DCBLD2: variants seen among roughly 807,000 people sequenced by gnomAD.
DCBLD2 encodes discoidin, CUB and LCCL domain-containing protein 2.
In DCBLD2, 54 loss-of-function variants were observed where a neutral mutation model predicts 86.8. That is an observed-to-expected ratio of 0.62 (90% CI 0.50 to 0.78). The LOEUF is 0.78. DCBLD2 is among the 30% of genes least tolerant of loss of function. DCBLD2 has a pLI of 0.00. For synonymous variants in DCBLD2, 354 were observed against 341.3 expected, an observed-to-expected ratio of 1.04 and a Z score of -0.41; for missense variants, 908 against 954.2, an observed-to-expected ratio of 0.95 and a Z score of 0.64.
Position 98,893,382 on chromosome 3 carries a change from G to GAA in DCBLD2, c.205+7738_205+7739dup, listed in dbSNP as rs555536800. Among the ~76,000 whole-genome samples the GAA allele has an allele frequency of 3.6e-4, 41 of 113,160 alleles. No individual in the cohort carries two copies. The East Asian group carries it at 9.0e-3, about 25-fold the overall frequency. The allele number at this position is 113,160 out of a possible 152,430, so 74.2% of individuals were successfully genotyped here. A position where few individuals can be genotyped will look rare whatever the true frequency, so the allele number is the denominator to read the frequency against. ...AGATTTTCAAAGACCACTGTAGTAA[G>GAA]AAAAAAAAAAAAAAGAAACCAATAA... On this transcript the variant is annotated intron_variant, in intron 1 of 15. Transcript: ENST00000326840.
At chr3:98,826,653 C>T (rs75997338) in intron 3 of DCBLD2, among the ~76,000 whole-genome samples, 4,678 of 152,232 alleles carry the variant, frequency 0.031, 216 homozygotes, top group African/African-American at 0.11. Flanking sequence ...GGCTGTTTGT[C>T]CTCACCTTTG....
intron 2 of DCBLD2, among the ~76,000 whole-genome samples, chr3:98,877,860 G>A (rs1392771416): frequency 2.6e-5 from 4 of 152,122 alleles, no homozygotes; most frequent in Non-Finnish European, 2.9e-5. Context: ...GGACATAGGA[G>A]CTAGCGTGAA....
chr3:98,847,740 G>T (rs1012575687), intron 3 of DCBLD2, among the ~76,000 whole-genome samples: 2 of 152,110 alleles, frequency 1.3e-5, no homozygotes, highest in African/African-American at 4.8e-5. Flanking sequence ...CTTTTAAATG[G>T]TAACTTAATT....
chr3:98,896,961 G>A (rs1330640395), intron 1 of DCBLD2, among the ~76,000 whole-genome samples: 1 of 152,116 alleles, frequency 6.6e-6, no homozygotes, highest in Non-Finnish European at 1.5e-5. Context: ...ATTACTACCT[G>A]AGCTTCACTT....
chr3:98,866,135 G>A (rs1215445157), intron 2 of DCBLD2, among the ~76,000 whole-genome samples: 1 of 152,236 alleles, frequency 6.6e-6, no homozygotes, highest in Non-Finnish European at 1.5e-5. Flanking sequence ...TTGGTTCCAA[G>A]TCTTTGCTAT....
intron 1 of DCBLD2, 37 bp from the exon 2 acceptor site, chr3:98,881,804 A>C: frequency 6.4e-7 from 1 of 1,558,890 alleles, no homozygotes; most frequent in Non-Finnish European, 8.8e-7. Context: ...AATTATTCTC[A>C]CATATTTTAC....
chr3:98,866,395 C>T (rs1307911818), intron 2 of DCBLD2, among the ~76,000 whole-genome samples: 1 of 152,144 alleles, frequency 6.6e-6, no homozygotes, highest in African/African-American at 2.4e-5. Flanking sequence ...TTTTAATGAT[C>T]ACCATTCTAA....
chr3:98,886,729 T>A (rs902014384), intron 1 of DCBLD2, among the ~76,000 whole-genome samples: 3 of 151,798 alleles, frequency 2.0e-5, no homozygotes, highest in African/African-American at 7.2e-5. Flanking sequence ...AGAACATGTG[T>A]TCACTTCCTC....
At chr3:98,812,538 T>C (rs1941956725) in intron 9 of DCBLD2, 56 bp from the exon 10 acceptor site, 2 of 1,500,012 alleles carry the variant, frequency 1.3e-6, no homozygotes, top group Admixed American at 4.0e-5. Context: ...CAGGGCTAAA[T>C]TTCTCCACTT....
At chr3:98,870,097 A>G (rs1943231105) in intron 2 of DCBLD2, among the ~76,000 whole-genome samples, 1 of 151,186 alleles carries the variant, frequency 6.6e-6, no homozygotes. Flanking sequence ...TCTTTAATCC[A>G]TCTTGAGTAA....
intron 3 of DCBLD2, among the ~76,000 whole-genome samples, chr3:98,836,635 C>T (rs1393083916): frequency 2.6e-4 from 35 of 135,844 alleles, no homozygotes; most frequent in African/African-American, 3.3e-4. Context: ...GGCGGCTGGC[C>T]GGGCAGAGGG....
At chr3:98,856,083 G>C (rs976265329) in intron 2 of DCBLD2, among the ~76,000 whole-genome samples, 1 of 152,128 alleles carries the variant, frequency 6.6e-6, no homozygotes, top group Non-Finnish European at 1.5e-5. Context: ...GACATTCATA[G>C]AATATCAAGA....
At chr3:98,891,604 G>T (rs968676386) in intron 1 of DCBLD2, among the ~76,000 whole-genome samples, 1 of 152,072 alleles carries the variant, frequency 6.6e-6, no homozygotes, top group Non-Finnish European at 1.5e-5. Context: ...ATACAACGAA[G>T]TTCAAATGCT....
rs556254365 is a variant in DCBLD2 at position 98,829,677 on chromosome 3, C to T, written c.572-4311G>A. ...CTTTATCCAGTCTACCATTAATGGA[C>T]ATTTAGGTTGACTCCATGTCTTTGC... On this transcript the variant is annotated intron_variant, in intron 3 of 15. Transcript: ENST00000326840. 6.6e-5 allele frequency among the ~76,000 whole-genome samples: 10 copies of T among 152,288 alleles called. No homozygotes were observed. In the South Asian group the frequency reaches 1.9e-3, roughly 28 times the overall value.
intron 2 of DCBLD2, among the ~76,000 whole-genome samples, chr3:98,871,967 C>T (rs1943288359): frequency 6.6e-6 from 1 of 152,092 alleles, no homozygotes; most frequent in South Asian, 2.1e-4. Flanking sequence ...AATCTCACTA[C>T]TTATTACTTG....
intron 1 of DCBLD2, among the ~76,000 whole-genome samples, chr3:98,895,604 C>T (rs1170905847): frequency 6.6e-6 from 1 of 152,182 alleles, no homozygotes; most frequent in Non-Finnish European, 1.5e-5. Flanking sequence ...ATCAGTGAGG[C>T]GTCTCCTACT....
At chr3:98,899,111 G>A (rs1943801543) in intron 1 of DCBLD2, among the ~76,000 whole-genome samples, 1 of 151,214 alleles carries the variant, frequency 6.6e-6, no homozygotes, top group Non-Finnish European at 1.5e-5. Flanking sequence ...TTAATTATCA[G>A]AATCATTTCT....
In DCBLD2 at chr3:98,900,886, C is replaced by T. The variant is rs761302014; in HGVS notation, c.205+236G>A. 6.1e-6 allele frequency: 4 copies of T among 651,978 alleles called. No homozygotes were observed. The East Asian group carries it at 9.1e-5, about 15-fold the overall frequency. 40.4% of individuals were successfully genotyped at this position (651,978 alleles called of 1,614,324 possible). A position where few individuals can be genotyped will look rare whatever the true frequency, so the allele number is the denominator to read the frequency against. ...ACGAGGCTTTCATAGCAGGGTCTCACGTCCCCCTTTCAGAAAAATAAATGG... is the reference window on the plus strand; with the variant it reads ...ACGAGGCTTTCATAGCAGGGTCTCATGTCCCCCTTTCAGAAAAATAAATGG... On this transcript the variant is annotated intron_variant, in intron 1 of 15. Coordinates refer to ENST00000326840, the MANE Select transcript of DCBLD2 (RefSeq NM_080927.4).
intron 1 of DCBLD2, among the ~76,000 whole-genome samples, chr3:98,899,306 T>A (rs1046521049): frequency 1.2e-4 from 18 of 147,292 alleles, no homozygotes; most frequent in African/African-American, 4.5e-4. Flanking sequence ...GTCGCCAGGC[T>A]GGAGTGCAGT....
Sources: allele counts gnomAD v4.1 joint callset (sites outside exome capture counted in the v4.1 genomes callset), GRCh38; gene constraint gnomAD v4.1.1; transcripts MANE v1.5; gene names NCBI Gene and HGNC (gene_info 2026-07-23, HGNC 2026-07-21).